Variants in CCSER2 observed in about 807,000 individuals in gnomAD.
CCSER2 encodes the protein coiled-coil serine rich protein 2.
A neutral mutation model predicts 92.3 loss-of-function variants in CCSER2; 46 were observed. The ratio of observed to expected loss-of-function variants is 0.50; its 90% CI spans 0.39 to 0.64. The LOEUF is 0.64. CCSER2 is among the 30% of genes least tolerant of loss of function. The pLI is 0.00. For synonymous variants in CCSER2, 433 were observed against 431.4 expected (o/e 1.00, Z -0.04); for missense variants, 1,244 against 1,238.9 (o/e 1.00, Z -0.06).
chr10:84,354,736 C>G (rs906587079), intron 1 of CCSER2, among the ~76,000 whole-genome samples: 2 of 151,808 alleles, frequency 1.3e-5, no homozygotes, highest in Admixed American at 6.6e-5. Flanking sequence ...GCATTTCAGA[C>G]TCCTTTGACC....
chr10:84,448,078 T>G (rs1181151561), intron 6 of CCSER2, among the ~76,000 whole-genome samples: 1 of 152,020 alleles, frequency 6.6e-6, no homozygotes, highest in African/African-American at 2.4e-5. Context: ...ACTCTGATAC[T>G]CCACACCAAT....
chr10:84,409,129 T>TA (rs1306945308), intron 3 of CCSER2, among the ~76,000 whole-genome samples: 3 of 151,964 alleles, frequency 2.0e-5, no homozygotes, highest in African/African-American at 7.3e-5. Flanking sequence ...TAGCTGGAAT[T>TA]ACAGGTGCCT....
chr10:84,488,447 G>T (rs954376041), intron 9 of CCSER2, among the ~76,000 whole-genome samples: 4 of 152,048 alleles, frequency 2.6e-5, no homozygotes, highest in Admixed American at 2.0e-4. Flanking sequence ...AGGGATTCAA[G>T]TTCTTCCTGG....
At chr10:84,467,335 T>C (rs543924656) in intron 7 of CCSER2, among the ~76,000 whole-genome samples, 6 of 152,198 alleles carry the variant, frequency 3.9e-5, no homozygotes, top group Non-Finnish European at 8.8e-5. Context: ...ATATGACATA[T>C]ATGGCTAACA....
intron 3 of CCSER2, chr10:84,391,216 G>A (rs1841499655): frequency 9.2e-7 from 1 of 1,089,400 alleles, no homozygotes; most frequent in Non-Finnish European, 1.4e-6. Context: ...ACCTGTGTAA[G>A]AGACAATGAG....
intron 5 of CCSER2, among the ~76,000 whole-genome samples, chr10:84,426,208 G>GT (rs1367329415): frequency 2.6e-4 from 39 of 152,208 alleles, no homozygotes; most frequent in African/African-American, 8.7e-4. Context: ...AAATTTCTTA[G>GT]TTTTTCCAAA....
intron 8 of CCSER2, among the ~76,000 whole-genome samples, chr10:84,476,403 T>G (rs1476889324): frequency 6.6e-6 from 1 of 151,892 alleles, no homozygotes. Flanking sequence ...TGTGGTTATT[T>G]TCTAGCTTGT....
chr10:84,511,045 TTTTA>T (rs1849321868), intron 9 of CCSER2, among the ~76,000 whole-genome samples: 1 of 152,192 alleles, frequency 6.6e-6, no homozygotes, highest in African/African-American at 2.4e-5. Flanking sequence ...AAATATAAAA[TTTTA>T]TTTCGCATAT....
intron 9 of CCSER2, among the ~76,000 whole-genome samples, chr10:84,504,389 A>T (rs1417997396): frequency 6.6e-6 from 1 of 152,060 alleles, no homozygotes; most frequent in Non-Finnish European, 1.5e-5. Flanking sequence ...GAATATTAAT[A>T]GAGTGGCTTA....
intron 3 of CCSER2, among the ~76,000 whole-genome samples, chr10:84,409,328 T>C (rs1407292792): frequency 6.6e-6 from 1 of 151,482 alleles, no homozygotes; most frequent in Non-Finnish European, 1.5e-5. Flanking sequence ...TTTGTAGAGA[T>C]GGGATCTCCT....
chr10:84,502,826 G>A (rs12781558), intron 9 of CCSER2, among the ~76,000 whole-genome samples: 8,877 of 152,202 alleles, frequency 0.058, 371 homozygotes, highest in Admixed American at 0.1. Flanking sequence ...AAGATAGTCC[G>A]TTCTAAATAT....
chr10:84,450,215 C>G (rs1845190017), intron 6 of CCSER2, among the ~76,000 whole-genome samples: 1 of 152,102 alleles, frequency 6.6e-6, no homozygotes, highest in African/African-American at 2.4e-5. Flanking sequence ...AACCTGTACC[C>G]AGTACATTGT....
intron 9 of CCSER2, among the ~76,000 whole-genome samples, chr10:84,480,210 A>G (rs1037784509): frequency 6.6e-6 from 1 of 151,850 alleles, no homozygotes; most frequent in Non-Finnish European, 1.5e-5. Context: ...ATGCCTGGCT[A>G]ATTTTTTTAT....
At chr10:84,339,472 T>TA (rs59805161) in intron 1 of CCSER2, among the ~76,000 whole-genome samples, 2 of 148,520 alleles carry the variant, frequency 1.3e-5, no homozygotes, top group Admixed American at 1.3e-4. Flanking sequence ...TTTTTTTTTT[T>TA]AAATTTATTT....
rs1050943 is a variant in CCSER2 at position 84,517,200 on chromosome 10, C to T, written c.*2933C>T. On this transcript the variant is annotated 3_prime_UTR_variant, in exon 10 of 10. Coordinates refer to ENST00000372088, the MANE Select transcript of CCSER2 (RefSeq NM_001284240.2). ...TATGGGGTTTGTTAAGTTTCACATT[C>T]GTGAAAGAGGAAATTAGTAGAGTAT... The T allele has an allele frequency of 0.21, 31,552 of 152,162 alleles. 3,560 individuals carry two copies. The highest frequency in any genetic ancestry group is 0.34 in the Admixed American group (5,169 of 15,286). The allele number at this position is 152,162 out of a possible 1,614,324, so 9.4% of individuals were successfully genotyped here.
chr10:84,385,050 A>T (rs1281204258), intron 3 of CCSER2, among the ~76,000 whole-genome samples: 1 of 147,660 alleles, frequency 6.8e-6, no homozygotes, highest in Non-Finnish European at 1.5e-5. Flanking sequence ...AATACATTTA[A>T]CCAAGGAGGT....
rs753086124 is a variant in CCSER2, at chr10:84,372,090, A to G, written c.1038A>G (p.Thr346=). The G allele has an allele frequency of 1.2e-6, 2 of 1,613,548 alleles. No homozygotes were observed. Among genetic ancestry groups the G allele is most frequent in the Admixed American group, 1.7e-5 (1 of 59,958 alleles). The part of the protein sequence containing the change: ...VDGNKNSPAD[T]CVEEDATVLA... ...GAAATAAAAATTCACCTGCTGACAC[A>G]TGTGTAGAGGAAGATGCTACAGTTT... The change falls in exon 2 of 10, where the codon ACA becomes ACG. Residue 346 remains threonine, a synonymous_variant. Transcript: ENST00000372088.
intron 1 of CCSER2, among the ~76,000 whole-genome samples, chr10:84,344,061 CTG>C (rs1239363589): frequency 6.6e-6 from 1 of 152,202 alleles, no homozygotes; most frequent in Non-Finnish European, 1.5e-5. Context: ...AACTTAATCA[CTG>C]TACCTCTGCA....
At chr10:84,506,825 A>AAATAAATAAATAAATC (rs1296422260) in intron 9 of CCSER2, among the ~76,000 whole-genome samples, 4 of 151,880 alleles carry the variant, frequency 2.6e-5, no homozygotes, top group South Asian at 2.1e-4. Flanking sequence ...ATAAATAAAT[A>AAATAAATAAATAAATC]AATCTAACAC....
Sources: allele counts gnomAD v4.1 joint callset (sites outside exome capture counted in the v4.1 genomes callset), GRCh38; gene constraint gnomAD v4.1.1; transcripts MANE v1.5; gene names NCBI Gene and HGNC (gene_info 2026-07-23, HGNC 2026-07-21).